The following DGKB variants were observed in gnomAD, a reference collection of about 807,000 sequenced individuals.
DGKB encodes the protein 90 kDa diacylglycerol kinase.
DGKB carries 67 observed loss-of-function variants against 114.3 expected under a neutral mutation model. The ratio of observed to expected loss-of-function variants is 0.59; its 90% confidence interval spans 0.48 to 0.72. DGKB has a LOEUF of 0.72. Among genes scored for constraint, DGKB ranks in the 30% least tolerant of loss-of-function variants. DGKB has a pLI of 0.00. For missense variants in DGKB, 907 were observed against 975.2 expected (o/e 0.93, Z 0.93); for synonymous variants, 398 against 323.1 (o/e 1.23, Z -2.49).
At position 14,634,481 on chromosome 7, in the gene DGKB, TACACACACACACAC is replaced by T. The variant is rs34758174; in HGVS notation, c.1135-4227_1135-4214del. 6.9e-5 allele frequency among the ~76,000 whole-genome samples: 10 copies of T among 145,266 alleles called. No homozygotes were observed. The East Asian group carries it at 1.8e-3, about 26-fold the overall frequency. On this transcript the variant is annotated intron_variant, in intron 13 of 25. Transcript: ENST00000402815. Reference sequence around the variant, plus strand: ...AGAAATCACTATATCTACAAAGTGATACACACACACACACACACACACACACACACACACACTTG... The same window carrying T: ...AGAAATCACTATATCTACAAAGTGATACACACACACACACACACACACTTG...
At chr7:14,279,312 C>T (rs1254746625) in intron 23 of DGKB, among the ~76,000 whole-genome samples, 1 of 152,130 alleles carries the variant, frequency 6.6e-6, no homozygotes, top group Non-Finnish European at 1.5e-5. Context: ...GGGAGGGGCG[C>T]CCACCATTGC....
In DGKB at chr7:14,432,253, C is replaced by T. The variant is rs543089802; in HGVS notation, c.1835+45908G>A. On this transcript the variant is annotated intron_variant, in intron 21 of 25. Transcript: ENST00000402815. ...TCTGTACTTGCTGTTGCCCTATCAT[C>T]GCTATAAAGGGATTTTTTACCTTGA... 1.3e-4 allele frequency among the ~76,000 whole-genome samples: 20 copies of T among 152,184 alleles called. No individual in the cohort carries two copies. The South Asian group carries it at 3.5e-3, about 27-fold the overall frequency.
intron 20 of DGKB, among the ~76,000 whole-genome samples, chr7:14,509,075 G>T (rs1036643826): frequency 6.6e-6 from 1 of 151,982 alleles, no homozygotes; most frequent in South Asian, 2.1e-4. Flanking sequence ...CATGACATTT[G>T]GTCTCTCTTT....
At chr7:14,955,853 A>C (rs1786472782) in intron 1 of DGKB, among the ~76,000 whole-genome samples, 2 of 151,970 alleles carry the variant, frequency 1.3e-5, no homozygotes, top group Non-Finnish European at 2.9e-5. Context: ...AAATAATATA[A>C]ACAGACAGCG....
intron 23 of DGKB, among the ~76,000 whole-genome samples, chr7:14,310,087 A>C (rs553505609): frequency 6.6e-6 from 1 of 152,202 alleles, no homozygotes; most frequent in Admixed American, 6.5e-5. Context: ...AGATGAAGGA[A>C]GAAGGGAACA....
At chr7:14,759,567 T>C (rs1377768543) in intron 2 of DGKB, among the ~76,000 whole-genome samples, 2 of 152,186 alleles carry the variant, frequency 1.3e-5, no homozygotes, top group African/African-American at 4.8e-5. Flanking sequence ...GGTTTTTCCA[T>C]GTTATAACAT....
At chr7:14,337,351 G>C (rs955594496) in intron 23 of DGKB, among the ~76,000 whole-genome samples, 3 of 151,198 alleles carry the variant, frequency 2.0e-5, no homozygotes, top group African/African-American at 7.3e-5. Context: ...TTTTTTAATT[G>C]ATTTGTTATA....
intron 1 of DGKB, among the ~76,000 whole-genome samples, chr7:14,944,861 A>G (rs977629372): frequency 4.0e-5 from 6 of 151,858 alleles, no homozygotes; most frequent in African/African-American, 9.7e-5. Context: ...TGTATATACC[A>G]TAAGTATATC....
chr7:14,207,327 G>C (rs1380958468), intron 23 of DGKB, among the ~76,000 whole-genome samples: 1 of 152,066 alleles, frequency 6.6e-6, no homozygotes, highest in Non-Finnish European at 1.5e-5. Flanking sequence ...TGCCAGTCGG[G>C]TGCATTGGTG....
intron 21 of DGKB, among the ~76,000 whole-genome samples, chr7:14,375,566 T>C (rs931956632): frequency 6.6e-6 from 1 of 152,232 alleles, no homozygotes; most frequent in African/African-American, 2.4e-5. Context: ...TTCCCTCTGC[T>C]GGGAAGTTTC....
At chr7:14,171,698 A>G (rs1198411422) in intron 25 of DGKB, among the ~76,000 whole-genome samples, 1 of 152,244 alleles carries the variant, frequency 6.6e-6, no homozygotes, top group Non-Finnish European at 1.5e-5. Flanking sequence ...GTATTTATAT[A>G]TAAAAATATG....
At chr7:14,547,266 C>A (rs1427204208) in intron 20 of DGKB, among the ~76,000 whole-genome samples, 1 of 152,094 alleles carries the variant, frequency 6.6e-6, no homozygotes, top group Non-Finnish European at 1.5e-5. Context: ...CCAGGGATAA[C>A]TAATCTAATA....
At chr7:14,558,368 T>C (rs1255134747) in intron 20 of DGKB, among the ~76,000 whole-genome samples, 1 of 152,056 alleles carries the variant, frequency 6.6e-6, no homozygotes, top group Non-Finnish European at 1.5e-5. Context: ...TACATTAGAA[T>C]TGTATATTTC....
intron 23 of DGKB, among the ~76,000 whole-genome samples, chr7:14,286,943 A>G (rs749421089): frequency 1.3e-5 from 2 of 152,000 alleles, no homozygotes; most frequent in Non-Finnish European, 2.9e-5. Context: ...TACCTTTCCT[A>G]TTGGTCACAT....
At chr7:14,195,425 T>C (rs2128280575) in intron 23 of DGKB, among the ~76,000 whole-genome samples, 1 of 152,216 alleles carries the variant, frequency 6.6e-6, no homozygotes, top group Admixed American at 6.5e-5. Flanking sequence ...ACCAGGGAGA[T>C]CACCCACTCT....
intron 21 of DGKB, among the ~76,000 whole-genome samples, chr7:14,406,331 CA>C (rs1823920239): frequency 6.6e-6 from 1 of 152,062 alleles, no homozygotes; most frequent in Middle Eastern, 3.4e-3. Context: ...CCCTTAAATT[CA>C]TTAAGGGTCA....
intron 16 of DGKB, among the ~76,000 whole-genome samples, chr7:14,607,829 T>C (rs1452229920): frequency 2.2e-5 from 3 of 136,954 alleles, no homozygotes; most frequent in Admixed American, 7.0e-5. Context: ...TAACTAGATT[T>C]CAAATAAATG....
At position 14,534,003 on chromosome 7, in the gene DGKB, G is replaced by A. The variant is rs562933096; in HGVS notation, c.1770+40209C>T. 1.5e-4 allele frequency among the ~76,000 whole-genome samples: 23 copies of A among 151,974 alleles called. 1 individual carries two copies. In the East Asian group the frequency reaches 4.3e-3, roughly 28 times the overall value. On this transcript the variant is annotated intron_variant, in intron 20 of 25. Transcript: ENST00000402815. ...CTCACTTGTAAAGGTAAATATGTAG[G>A]CAAATATACAATGTTCTAATACTGA...
chr7:14,705,538 G>A (rs1031630609), intron 6 of DGKB, among the ~76,000 whole-genome samples: 2 of 150,986 alleles, frequency 1.3e-5, no homozygotes, highest in African/African-American at 4.9e-5. Flanking sequence ...TTGAAATGAA[G>A]GAAAAAATGT....
Sources: gnomAD v4.1 joint callset for allele counts (sites outside exome capture counted in the v4.1 genomes callset) on GRCh38, gnomAD v4.1.1 for gene constraint, MANE v1.5 for transcripts, NCBI Gene and HGNC (gene_info 2026-07-23, HGNC 2026-07-21) for gene names.